MMP16: variants seen among roughly 807,000 people sequenced by gnomAD.
MMP16 encodes the protein matrix metalloproteinase-16.
Under a neutral mutation model 67.8 loss-of-function variants are expected in MMP16, and 12 were observed. That is an observed-to-expected ratio of 0.18 (90% CI 0.11 to 0.29). MMP16 has a LOEUF of 0.29. Ranked by LOEUF, MMP16 falls within the 10% of genes least tolerant of loss-of-function variation. The probability of loss-of-function intolerance (pLI) is 1.00; values close to 1 mark genes in which losing one functional copy is unlikely to be tolerated. For synonymous variants in MMP16, 249 were observed against 255.9 expected (o/e 0.97, Z 0.26); for missense variants, 475 against 765.7 (o/e 0.62, Z 4.48).
Position 88,035,944 on chromosome 8 carries a change from T to C in MMP16, c.*5517A>G, listed in dbSNP as rs563569647. Reference sequence around the variant, plus strand: ...CAGAATTGTTTCAAAATCACACCAGTGGAAAAAGTGGAAAATGATTTCAGA... The same window carrying C: ...CAGAATTGTTTCAAAATCACACCAGCGGAAAAAGTGGAAAATGATTTCAGA... On this transcript the variant is annotated 3_prime_UTR_variant, in exon 10 of 10. Coordinates refer to ENST00000286614, the MANE Select transcript of MMP16 (RefSeq NM_005941.5). The surrounding 1 kb of genome is among the most constrained non-coding windows in gnomAD (Gnocchi z 4.7). 2.4e-4 allele frequency: 37 copies of C among 151,908 alleles called. No individual in the cohort carries two copies. The highest frequency in any genetic ancestry group is 8.7e-4 in the African/African-American group (36 of 41,470). 9.4% of individuals were successfully genotyped at this position (151,908 alleles called of 1,614,324 possible). A position where few individuals can be genotyped will look rare whatever the true frequency, so the allele number is the denominator to read the frequency against.
intron 6 of MMP16, among the ~76,000 whole-genome samples, chr8:88,087,417 G>A (rs1334913568): frequency 1.3e-5 from 2 of 151,800 alleles, no homozygotes; most frequent in African/African-American, 4.9e-5. Context: ...CTTAGTTCTC[G>A]TAATAGTGGC....
In MMP16 at chr8:88,270,206, T is replaced by C. The variant is rs754292388; in HGVS notation, c.132+56869A>G. Among the ~76,000 whole-genome samples the C allele has an allele frequency of 2.5e-4, 38 of 152,318 alleles. 1 individual carries two copies. The highest frequency in any genetic ancestry group is 5.3e-4 in the Non-Finnish European group (36 of 68,018). On this transcript the variant is annotated intron_variant, in intron 1 of 9. Transcript: ENST00000286614. ...GCATTACAGGATTATTAAAATGCAG[T>C]AACTCTCAAGTAGAAAATTAAAAGC...
chr8:88,111,830 A>G (rs1306881953), intron 6 of MMP16, among the ~76,000 whole-genome samples: 1 of 151,752 alleles, frequency 6.6e-6, no homozygotes, highest in Non-Finnish European at 1.5e-5. Flanking sequence ...GCCATACTCC[A>G]TATTTACTTG....
At chr8:88,055,726 C>T (rs1351204413) in intron 8 of MMP16, among the ~76,000 whole-genome samples, 2 of 152,092 alleles carry the variant, frequency 1.3e-5, no homozygotes, top group Non-Finnish European at 2.9e-5. Context: ...ATTTATTGTA[C>T]ACAAAGTATA....
intron 6 of MMP16, among the ~76,000 whole-genome samples, chr8:88,100,615 T>C (rs1463809855): frequency 6.6e-6 from 1 of 151,984 alleles, no homozygotes; most frequent in Non-Finnish European, 1.5e-5. Flanking sequence ...TACCCAGCCA[T>C]CCCATTACTG....
intron 1 of MMP16, among the ~76,000 whole-genome samples, chr8:88,245,257 TC>T (rs1810095971): frequency 6.6e-6 from 1 of 152,226 alleles, no homozygotes. Flanking sequence ...ACAAGGTTCT[TC>T]CCACCTGGGG....
At chr8:88,325,054 G>A (rs1358649772) in intron 1 of MMP16, among the ~76,000 whole-genome samples, 4 of 152,046 alleles carry the variant, frequency 2.6e-5, no homozygotes, top group Non-Finnish European at 5.9e-5. Flanking sequence ...TATCTGTCAG[G>A]CTTAAATCTG....
At chr8:88,100,308 T>C (rs926721347) in intron 6 of MMP16, among the ~76,000 whole-genome samples, 8 of 151,842 alleles carry the variant, frequency 5.3e-5, no homozygotes, top group African/African-American at 1.9e-4. Flanking sequence ...CATCAAAAAG[T>C]GGGCAAAGGA....
At chr8:88,289,057 TG>T (rs1810878293) in intron 1 of MMP16, among the ~76,000 whole-genome samples, 1 of 152,154 alleles carries the variant, frequency 6.6e-6, no homozygotes, top group African/African-American at 2.4e-5. Flanking sequence ...ACCCCAAGTA[TG>T]GGTTAGTTAG....
intron 4 of MMP16, among the ~76,000 whole-genome samples, chr8:88,155,274 A>C (rs530718090): frequency 6.6e-6 from 1 of 152,226 alleles, no homozygotes; most frequent in Non-Finnish European, 1.5e-5. Flanking sequence ...ACATGCATGT[A>C]ATTAGAATAT....
chr8:88,065,826 A>G (rs1479929005), intron 7 of MMP16, among the ~76,000 whole-genome samples: 1 of 152,156 alleles, frequency 6.6e-6, no homozygotes, highest in Admixed American at 6.6e-5. Context: ...CATTTGAAAT[A>G]AAATAACAAT....
At chr8:88,128,291 A>G (rs1179753725) in intron 4 of MMP16, among the ~76,000 whole-genome samples, 2 of 151,828 alleles carry the variant, frequency 1.3e-5, no homozygotes, top group Non-Finnish European at 2.9e-5. Flanking sequence ...TTTATTTTAC[A>G]TTGAAAAAAC....
chr8:88,222,433 T>C (rs192099051), intron 1 of MMP16, among the ~76,000 whole-genome samples: 2,582 of 152,228 alleles, frequency 0.017, 59 homozygotes, highest in African/African-American at 0.059. Flanking sequence ...TCACGCTACC[T>C]GACTTCAAAC....
intron 1 of MMP16, among the ~76,000 whole-genome samples, chr8:88,245,640 A>G (rs1810102540): frequency 6.6e-6 from 1 of 152,174 alleles, no homozygotes; most frequent in Admixed American, 6.5e-5. Flanking sequence ...CTAAAATGAT[A>G]AGGTCAAGGA....
intron 4 of MMP16, among the ~76,000 whole-genome samples, chr8:88,134,038 C>T (rs977788705): frequency 6.6e-6 from 1 of 151,704 alleles, no homozygotes; most frequent in African/African-American, 2.4e-5. Context: ...CCTCCAAAAG[C>T]AGACATCTAT....
In MMP16 at chr8:88,090,233, A is replaced by G. The variant is rs1808910403; in HGVS notation, c.1084-15490T>C. ...TACAATGGTAATTAGTTTTATAAAC[A>G]TCATGAATATAGATGAATCTTACTT... On this transcript the variant is annotated intron_variant, in intron 6 of 9. Coordinates refer to ENST00000286614, the MANE Select transcript of MMP16 (RefSeq NM_005941.5). 2.0e-5 allele frequency among the ~76,000 whole-genome samples: 3 copies of G among 152,006 alleles called. No homozygotes were observed. The South Asian group carries it at 6.2e-4, about 31-fold the overall frequency.
chr8:88,126,845 G>A (rs2118460199), intron 4 of MMP16, among the ~76,000 whole-genome samples: 1 of 151,926 alleles, frequency 6.6e-6, no homozygotes, highest in East Asian at 1.9e-4. Context: ...GTTGTTAGTA[G>A]GTTAAACACC....
chr8:88,069,596 G>C (rs992395823), intron 7 of MMP16: 8 of 452,770 alleles, frequency 1.8e-5, no homozygotes, highest in African/African-American at 1.7e-4. Flanking sequence ...ATTTAGGCAG[G>C]CTTATTGCTA....
chr8:88,301,426 A>C (rs1451873689), intron 1 of MMP16, among the ~76,000 whole-genome samples: 1 of 152,140 alleles, frequency 6.6e-6, no homozygotes, highest in Non-Finnish European at 1.5e-5. Context: ...TTTTCTTTTA[A>C]TATCTCTGTG....
Sources: allele counts gnomAD v4.1 joint callset (sites outside exome capture counted in the v4.1 genomes callset), GRCh38; gene constraint gnomAD v4.1.1; non-coding constraint Gnocchi (gnomAD v3.1); transcripts MANE v1.5; gene names NCBI Gene and HGNC (gene_info 2026-07-23, HGNC 2026-07-21).